The following MMP26 variants were observed in gnomAD, a reference collection of about 807,000 sequenced individuals.
The protein encoded by MMP26 is matrix metalloproteinase-26.
A neutral mutation model predicts 31.0 loss-of-function variants in MMP26; 33 were observed. The ratio of observed to expected loss-of-function variants is 1.06; its 90% CI spans 0.81 to 1.42. The LOEUF is 1.42. Ranked by LOEUF, MMP26 falls within the 40% of genes most tolerant of loss-of-function variation. The probability of loss-of-function intolerance (pLI) is 0.00; values close to 1 mark genes in which losing one functional copy is unlikely to be tolerated. For missense variants in MMP26, 347 were observed against 316.1 expected, an observed-to-expected ratio of 1.10 and a Z score of -0.74; for synonymous variants, 122 against 114.9, an observed-to-expected ratio of 1.06 and a Z score of -0.40.
At chr11:4,790,999 A>C (rs769100492) in intron 2 of MMP26, among the ~76,000 whole-genome samples, 1 of 152,202 alleles carries the variant, frequency 6.6e-6, no homozygotes, top group Non-Finnish European at 1.5e-5. Context: ...ATGCTGCCTT[A>C]TATTTAAAAA....
chr11:4,854,291 G>A (rs1197810975), intron 2 of MMP26, among the ~76,000 whole-genome samples: 2 of 152,198 alleles, frequency 1.3e-5, no homozygotes, highest in Admixed American at 6.5e-5. Flanking sequence ...AGTGCAAGGG[G>A]TCAGGGAATT....
intron 2 of MMP26, among the ~76,000 whole-genome samples, chr11:4,800,263 A>G (rs1170336658): frequency 6.6e-6 from 1 of 152,134 alleles, no homozygotes; most frequent in African/African-American, 2.4e-5. Flanking sequence ...ATTTAGGGGG[A>G]AGCCTGCAAG....
chr11:4,859,587 T>A, intron 2 of MMP26: 2 of 391,974 alleles, frequency 5.1e-6, no homozygotes, highest in South Asian at 4.0e-5. Context: ...CTTACTCTGC[T>A]TCTTACACAT....
At chr11:4,906,793 A>G (rs1850896794) in intron 2 of MMP26, among the ~76,000 whole-genome samples, 1 of 152,122 alleles carries the variant, frequency 6.6e-6, no homozygotes, top group Non-Finnish European at 1.5e-5. Context: ...ATTTTGCTAA[A>G]CATCTTAAAA....
intron 2 of MMP26, among the ~76,000 whole-genome samples, chr11:4,942,089 C>CAAAAAAAAAAAAAAAAAACAAAA (rs1846217042): frequency 2.7e-5 from 1 of 37,122 alleles, no homozygotes; most frequent in Admixed American, 2.7e-4. Context: ...GAGTCCATCT[C>CAAAAAAAAAAAAAAAAAACAAAA]AAAAAAAAAA....
chr11:4,879,432 A>G (rs1850427781), intron 2 of MMP26, among the ~76,000 whole-genome samples: 1 of 152,138 alleles, frequency 6.6e-6, no homozygotes, highest in African/African-American at 2.4e-5. Flanking sequence ...ATGAGTGGAA[A>G]CAGTTGACAT....
intron 2 of MMP26, among the ~76,000 whole-genome samples, chr11:4,879,292 G>C (rs1850426410): frequency 6.6e-6 from 1 of 152,098 alleles, no homozygotes; most frequent in Non-Finnish European, 1.5e-5. Flanking sequence ...ATTATTAATT[G>C]ACTGTCTACT....
At chr11:4,861,904 T>C (rs75461365) in intron 2 of MMP26, among the ~76,000 whole-genome samples, 1,998 of 152,220 alleles carry the variant, frequency 0.013, 38 homozygotes, top group African/African-American at 0.044. Context: ...TAAATCCTTA[T>C]CTTAGCCTTC....
At chr11:4,818,947 G>A (rs1198686708) in intron 2 of MMP26, among the ~76,000 whole-genome samples, 1 of 152,060 alleles carries the variant, frequency 6.6e-6, no homozygotes, top group Non-Finnish European at 1.5e-5. Context: ...AAGACAAGCT[G>A]GAAGAATAAA....
At chr11:4,923,216 G>C (rs1851209296) in intron 2 of MMP26, among the ~76,000 whole-genome samples, 1 of 152,184 alleles carries the variant, frequency 6.6e-6, no homozygotes, top group South Asian at 2.1e-4. Flanking sequence ...CTGGAGAACA[G>C]AGAGGTAAGT....
At chr11:4,750,289 T>C (rs941450281) in intron 1 of MMP26, among the ~76,000 whole-genome samples, 16 of 152,006 alleles carry the variant, frequency 1.1e-4, no homozygotes, top group Non-Finnish European at 1.9e-4. Flanking sequence ...TGTGAGGATG[T>C]GGAGAAAAGA....
chr11:4,856,450 C>G (rs1373636023), intron 2 of MMP26, among the ~76,000 whole-genome samples: 1 of 152,082 alleles, frequency 6.6e-6, no homozygotes, highest in Non-Finnish European at 1.5e-5. Context: ...GACTTTTAAC[C>G]AACAAAGATC....
In MMP26 at chr11:4,723,740, T is replaced by C. The variant is rs530140183; in HGVS notation, c.-217+18695T>C. ...GTGTCCAGTTGCCGCCTAAGGTTGT[T>C]GATGTAGCTCTCGAACATGTTGTCC... On this transcript the variant is annotated intron_variant, in intron 1 of 7. Transcript: ENST00000380390. 93 of 1,303,416 alleles carry C rather than the reference T, an allele frequency of 7.1e-5. No homozygotes were observed. In the East Asian group the frequency reaches 2.1e-3, roughly 29 times the overall value. 80.7% of individuals were successfully genotyped at this position (1,303,416 alleles called of 1,614,324 possible).
chr11:4,912,574 A>G (rs557052081), intron 2 of MMP26: 3 of 152,302 alleles, frequency 2.0e-5, no homozygotes, highest in South Asian at 4.1e-4. Flanking sequence ...TTTGCTGTGT[A>G]CAACTAATCA....
intron 1 of MMP26, among the ~76,000 whole-genome samples, chr11:4,765,193 G>T (rs1056888892): frequency 6.6e-6 from 1 of 152,144 alleles, no homozygotes; most frequent in African/African-American, 2.4e-5. Context: ...CATTGCCCAG[G>T]AGCTGTTTCT....
At chr11:4,769,148 A>G (rs147618500) in intron 2 of MMP26, 5 of 1,613,392 alleles carry the variant, frequency 3.1e-6, no homozygotes, top group East Asian at 2.2e-5. Flanking sequence ...CAGGCTCAGC[A>G]TGTGGATGTA....
intron 2 of MMP26, among the ~76,000 whole-genome samples, chr11:4,810,882 A>G (rs1589908051): frequency 6.6e-6 from 1 of 152,238 alleles, no homozygotes; most frequent in African/African-American, 2.4e-5. Context: ...AGGAAAACAT[A>G]TAAGCATGCA....
At chr11:4,730,442 T>C (rs1333033666) in intron 1 of MMP26, among the ~76,000 whole-genome samples, 1 of 104,602 alleles carries the variant, frequency 9.6e-6, no homozygotes, top group African/African-American at 4.6e-5. Flanking sequence ...AAGCGAGCAT[T>C]GAGAGTGATA....
chr11:4,979,614 A>T (rs2133639309), intron 2 of MMP26, among the ~76,000 whole-genome samples: 1 of 152,242 alleles, frequency 6.6e-6, no homozygotes, highest in East Asian at 1.9e-4. Context: ...TAATTCCAAA[A>T]CAAATACCAT....
Sources: allele counts gnomAD v4.1 joint callset (sites outside exome capture counted in the v4.1 genomes callset), GRCh38; gene constraint gnomAD v4.1.1; transcripts MANE v1.5; gene names NCBI Gene and HGNC (gene_info 2026-07-23, HGNC 2026-07-21).